Variants in TAOK2 observed in about 807,000 individuals in gnomAD.
TAOK2 encodes serine/threonine-protein kinase TAO2.
Under a neutral mutation model 122.5 loss-of-function variants are expected in TAOK2, and 42 were observed. The ratio of observed to expected loss-of-function variants is 0.34; its 90% CI spans 0.27 to 0.44. The LOEUF is 0.44. TAOK2 is among the 20% of genes least tolerant of loss of function. TAOK2 has a pLI of 1.00. For synonymous variants in TAOK2, 704 were observed against 677.6 expected, an observed-to-expected ratio of 1.04 and a Z score of -0.61; for missense variants, 1,264 against 1,644.9, an observed-to-expected ratio of 0.77 and a Z score of 4.01.
At chr16:29,991,264 C>G (rs2069961701), downstream of TAOK2, 1 of 1,612,146 alleles carries the variant, frequency 6.2e-7, no homozygotes. The surrounding 1 kb of genome is among the most constrained non-coding windows in gnomAD (Gnocchi z 5.6). Context: ...GTTCCCCGTT[C>G]TGGGGCACAC....
rs143327679 is a variant in TAOK2, at chr16:29,987,620, C to T, written c.3348C>T (p.Pro1116=). The T allele has an allele frequency of 3.7e-6, 6 of 1,612,888 alleles. No homozygotes were observed. The African/African-American group carries it at 8.0e-5, about 22-fold the overall frequency. ...VGDRGLFALY[P]KTNKDGFRSR... ...ACCGGGGTCTGTTTGCACTGTACCCCAAAACCAACAAGGATGGCTTCCGCA... is the reference window on the plus strand; with the variant it reads ...ACCGGGGTCTGTTTGCACTGTACCCTAAAACCAACAAGGATGGCTTCCGCA... Residue 1116 remains proline (P), a synonymous_variant, in exon 16 of 16, where the codon CCC becomes CCT. Coordinates refer to ENST00000308893, the MANE Select transcript of TAOK2 (RefSeq NM_016151.4).
At chr16:29,988,470 C>G, downstream of TAOK2, 2 of 1,224,034 alleles carry the variant, frequency 1.6e-6, no homozygotes, top group East Asian at 1.2e-4. Flanking sequence ...CAGGCTGACC[C>G]TCGGCCCGGC....
rs138188641 is a variant in TAOK2 at position 29,983,804 on chromosome 16, C to A, written c.1422+140C>A. The A allele has an allele frequency of 1.2e-3, 1,612 of 1,323,366 alleles. 12 individuals carry two copies. In the East Asian group the frequency reaches 0.016, roughly 13 times the overall value. 82.0% of individuals were successfully genotyped at this position (1,323,366 alleles called of 1,614,324 possible). Reference sequence around the variant, plus strand: ...TTCTGTTGCTGGCTCCTGCCTGCTCCCCTTAACCCTCCTGCTTCCCTCCTC... The same window carrying A: ...TTCTGTTGCTGGCTCCTGCCTGCTCACCTTAACCCTCCTGCTTCCCTCCTC... On this transcript the variant is annotated intron_variant, in intron 13 of 15. Coordinates refer to ENST00000308893, the MANE Select transcript of TAOK2 (RefSeq NM_016151.4).
Position 29,985,991 on chromosome 16 carries a change from G to C in TAOK2, c.1992+130G>C. The stretch of plus-strand genomic sequence containing the variant: ...TGTTACAGTTCAGCTTTGCTTCAGT[G>C]CCCCTTTTACTTCTCATCCCCAACA... On this transcript the variant is annotated intron_variant, in intron 15 of 15. Transcript: ENST00000308893. The surrounding 1 kb of genome is among the most constrained non-coding windows in gnomAD (Gnocchi z 6.9). The C allele has an allele frequency of 8.2e-7, 1 of 1,214,100 alleles. No homozygotes were observed. The highest frequency in any genetic ancestry group is 1.5e-5 in the African/African-American group (1 of 65,822). 75.2% of individuals were successfully genotyped at this position (1,214,100 alleles called of 1,614,324 possible). A position where few individuals can be genotyped will look rare whatever the true frequency, so the allele number is the denominator to read the frequency against.
rs781117726 is a variant in TAOK2 at position 29,987,418 on chromosome 16, G to T, written c.3146G>T (p.Trp1049Leu). The T allele has an allele frequency of 1.2e-6, 2 of 1,606,380 alleles. No individual in the cohort carries two copies. Among genetic ancestry groups the T allele is most frequent in the Admixed American group, 1.7e-5 (1 of 59,324 alleles). The change falls in exon 16 of 16, where the codon TGG becomes TTG. Residue 1049 changes from tryptophan (W) to leucine (L), a missense_variant. By Grantham distance (61) the Trp-to-Leu change is moderately conservative. This residue lies in a region of TAOK2 where 824 missense variants were observed against 908.7 expected (regional missense o/e 0.91). Coordinates refer to ENST00000308893, the MANE Select transcript of TAOK2 (RefSeq NM_016151.4). ...GTTCCCCTGGGCCTTGGAGCTGCCTGGCTCTTAGCTTGGCCAGGCCTAGCT... is the reference window on the plus strand; with the variant it reads ...GTTCCCCTGGGCCTTGGAGCTGCCTTGCTCTTAGCTTGGCCAGGCCTAGCT... ...MGVPLGLGAA[W>L]LLAWPGLALP...
chr16:29,990,018 C>A, downstream of TAOK2: 1 of 560,440 alleles, frequency 1.8e-6, no homozygotes, highest in South Asian at 2.2e-5. Flanking sequence ...AAGGTCTTGA[C>A]AAAGCCATGT....
At chr16:29,988,739 C>T (rs2069894332), downstream of TAOK2, 5 of 985,422 alleles carry the variant, frequency 5.1e-6, no homozygotes, top group African/African-American at 8.7e-5. Context: ...AAATTGCTCT[C>T]CTGCATCAGG....
At chr16:29,991,726 CCAGTGGCCCAGGGCCA>C (rs2069973488), downstream of TAOK2, 1 of 984,338 alleles carries the variant, frequency 1.0e-6, no homozygotes, top group South Asian at 3.6e-5. The surrounding 1 kb of genome is among the most constrained non-coding windows in gnomAD (Gnocchi z 5.6). Flanking sequence ...TTGGGGCTGG[CCAGTGGCCCAGGGCCA>C]GCTTGGCGAT....
At chr16:29,975,849 A>T (rs551396151) in intron 1 of TAOK2, among the ~76,000 whole-genome samples, 1 of 152,184 alleles carries the variant, frequency 6.6e-6, no homozygotes, top group Non-Finnish European at 1.5e-5. Context: ...TAAAATCTTA[A>T]CAACAGCTCC....
Position 29,979,089 on chromosome 16 carries a change from G to A in TAOK2, c.449+19G>A. The stretch of plus-strand genomic sequence containing the variant: ...TCCATAGGTACAAGCAGCACCGGCA[G>A]TGCCTGGGAGGGGAGTGCTATCTGC... On this transcript the variant is annotated intron_variant, in intron 6 of 15. Coordinates refer to ENST00000308893, the MANE Select transcript of TAOK2 (RefSeq NM_016151.4). This position sits in a 1 kb window ranked among gnomAD's most constrained non-coding sequence, Gnocchi z 4.1. 6.2e-7 allele frequency: 1 copy of A among 1,613,994 alleles called. No homozygotes were observed. The highest frequency in any genetic ancestry group is 8.5e-7 in the Non-Finnish European group (1 of 1,179,874).
chr16:29,981,987 C>G (rs769757792), intron 10 of TAOK2, 47 bp downstream of exon 10: 4 of 1,508,600 alleles, frequency 2.7e-6, no homozygotes, highest in Non-Finnish European at 3.7e-6. Context: ...TAGCTTGTTA[C>G]AGCCACAAGA....
At chr16:29,989,682 G>C (rs1287188004), downstream of TAOK2, 3 of 1,614,110 alleles carry the variant, frequency 1.9e-6, no homozygotes, top group Non-Finnish European at 1.7e-6. Context: ...ACTTGCTGGA[G>C]ACCACGCCCA....
chr16:29,973,874 C>T lies in TAOK2; in HGVS notation c.-810C>T, dbSNP rs2069370891. The T allele has an allele frequency of 6.6e-6, 1 of 152,618 alleles. No homozygotes were observed. The highest frequency in any genetic ancestry group is 1.9e-4 in the East Asian group (1 of 5,198). 9.5% of individuals were successfully genotyped at this position (152,618 alleles called of 1,614,324 possible). On this transcript the variant is annotated 5_prime_UTR_variant, in exon 1 of 16. Transcript: ENST00000308893. ...CTGCGCGCTCCCGCCCGGTCTCCAT[C>T]TTGGAATTGGGAGGAAGAGGGAGAG...
rs1406219826 is a variant in TAOK2, at chr16:29,987,678, A to G, written c.3406A>G (p.Asn1136Asp). ...GCCCGTCCCTGGGCCCCGGCGGCGT[A>G]ATCCCCGCACCACCCAACACCCATT... ...RLPVPGPRRR[N>D]PRTTQHPLAL... Residue 1136 changes from asparagine to aspartate, a missense_variant, in exon 16 of 16, where the codon AAT becomes GAT. Asn to Asp is a conservative substitution (Grantham distance 23, BLOSUM62 1). Around this residue, in one of 4 missense-constraint regions of TAOK2, gnomAD observed 824 missense variants for 908.7 expected, o/e 0.91. Coordinates refer to ENST00000308893, the MANE Select transcript of TAOK2 (RefSeq NM_016151.4). 1 of 1,613,950 alleles carries G rather than the reference A, an allele frequency of 6.2e-7. No homozygotes were observed. Among genetic ancestry groups the G allele is most frequent in the Admixed American group, 1.7e-5 (1 of 60,008 alleles).
At chr16:29,991,647 G>A, downstream of TAOK2, 1 of 1,395,914 alleles carries the variant, frequency 7.2e-7, no homozygotes, top group East Asian at 2.9e-5. The surrounding 1 kb of genome is among the most constrained non-coding windows in gnomAD (Gnocchi z 5.6). Flanking sequence ...TGAGCTGGAG[G>A]CCCCTGCAAG....
Position 29,983,230 on chromosome 16 carries a change from AGAG to A in TAOK2, c.1170_1172del (p.Glu392del), listed in dbSNP as rs754877282. ...AGGAAGAGGAGGAGGAGGAGGAGGA[AGAG>A]GAGGAGGAGGAAGAAGGCCCTGAAG... On this transcript the variant is annotated inframe_deletion, in exon 12 of 16. Coordinates refer to ENST00000308893, the MANE Select transcript of TAOK2 (RefSeq NM_016151.4). 2.0e-5 allele frequency: 33 copies of A among 1,611,782 alleles called. No individual in the cohort carries two copies. Among genetic ancestry groups the A allele is most frequent in the South Asian group, 5.5e-5 (5 of 91,028 alleles).
At chr16:29,988,402 T>C (rs760674841), downstream of TAOK2, 1 of 1,299,612 alleles carries the variant, frequency 7.7e-7, no homozygotes, top group Non-Finnish European at 1.0e-6. Flanking sequence ...AACTGTGCCT[T>C]TGGCCCAGGC....
downstream of TAOK2, chr16:29,989,127 G>C: frequency 2.0e-6 from 2 of 985,264 alleles, no homozygotes; most frequent in Non-Finnish European, 2.4e-6. Context: ...TGGGTGTTTT[G>C]TGTGACTGGT....
Position 29,983,352 on chromosome 16 carries a change from G to A in TAOK2, c.1260+20G>A. On this transcript the variant is annotated intron_variant, in intron 12 of 15. Coordinates refer to ENST00000308893, the MANE Select transcript of TAOK2 (RefSeq NM_016151.4). Reference sequence around the variant, plus strand: ...CTGCCGGTACACAGCTCACCCTTGGGGGACCCGAGCCACCTGCTCTAGAAC... The same window carrying A: ...CTGCCGGTACACAGCTCACCCTTGGAGGACCCGAGCCACCTGCTCTAGAAC... 1.3e-6 allele frequency: 2 copies of A among 1,580,240 alleles called. No individual in the cohort carries two copies. The highest frequency in any genetic ancestry group is 8.6e-7 in the Non-Finnish European group (1 of 1,167,704).
Sources: allele counts gnomAD v4.1 joint callset (sites outside exome capture counted in the v4.1 genomes callset), GRCh38; gene constraint gnomAD v4.1.1; regional missense constraint gnomAD v4.1.1; non-coding constraint Gnocchi (gnomAD v3.1); transcripts MANE v1.5; gene names NCBI Gene and HGNC (gene_info 2026-07-23, HGNC 2026-07-21).